SLC8B1: variants seen among roughly 807,000 people sequenced by gnomAD.
The protein encoded by SLC8B1 is mitochondrial sodium/calcium exchanger protein.
SLC8B1 carries 52 observed loss-of-function variants against 63.4 expected under a neutral mutation model. The observed-to-expected ratio is 0.82, with a 90% CI of 0.66 to 1.03. The LOEUF (loss-of-function observed/expected upper bound fraction) is 1.03, where lower values mean the gene tolerates loss of function less well. SLC8B1 is among the 50% of genes least tolerant of loss of function. The pLI, the probability that SLC8B1 is intolerant of heterozygous loss-of-function variation, is 0.00. For missense variants in SLC8B1, 657 were observed against 741.7 expected (o/e 0.89, Z 1.33); for synonymous variants, 336 against 323.9 (o/e 1.04, Z -0.40).
intron 8 of SLC8B1, 147 bp from the exon 9 acceptor site, chr12:113,317,148 G>A: frequency 1.4e-6 from 1 of 730,366 alleles, no homozygotes; most frequent in Non-Finnish European, 2.3e-6. Context: ...CACCCAGGCT[G>A]GAGTGCAGAG....
intron 14 of SLC8B1, among the ~76,000 whole-genome samples, chr12:113,304,914 A>C (rs544725857): frequency 1.3e-5 from 2 of 152,290 alleles, no homozygotes; most frequent in African/African-American, 4.8e-5. Context: ...TACAAAAAAA[A>C]ATGAATTTAC....
intron 2 of SLC8B1, among the ~76,000 whole-genome samples, chr12:113,330,295 G>T (rs1242689479): frequency 6.6e-6 from 1 of 152,168 alleles, no homozygotes; most frequent in Non-Finnish European, 1.5e-5. Context: ...GTAAGGGGCT[G>T]GGGGGGCCTT....
At chr12:113,322,336 G>A (rs1000286385) in intron 2 of SLC8B1, among the ~76,000 whole-genome samples, 17 of 152,078 alleles carry the variant, frequency 1.1e-4, no homozygotes, top group South Asian at 2.1e-4. Context: ...TAGGCTCTAG[G>A]GCCCACTGTT....
At chr12:113,324,709 T>C (rs1956976065) in intron 2 of SLC8B1, among the ~76,000 whole-genome samples, 1 of 148,722 alleles carries the variant, frequency 6.7e-6, no homozygotes, top group Admixed American at 6.7e-5. Flanking sequence ...GCCCAGCCCC[T>C]TTTTTTTCCT....
intron 2 of SLC8B1, among the ~76,000 whole-genome samples, chr12:113,323,323 A>G (rs560202400): frequency 2.6e-5 from 4 of 152,328 alleles, no homozygotes; most frequent in African/African-American, 9.6e-5. Flanking sequence ...CACTCCCACC[A>G]GGAATGGGAA....
intron 8 of SLC8B1, 95 bp downstream of exon 8, chr12:113,318,869 G>T: frequency 1.1e-6 from 1 of 890,454 alleles, no homozygotes; most frequent in East Asian, 2.6e-5. Flanking sequence ...GAGCTTGGTG[G>T]GGACAATGGC....
At chr12:113,329,698 C>T (rs1803653820) in intron 2 of SLC8B1, among the ~76,000 whole-genome samples, 1 of 152,148 alleles carries the variant, frequency 6.6e-6, no homozygotes, top group Admixed American at 6.5e-5. Context: ...ATGTCACTAA[C>T]TCAGTCCCAG....
intron 14 of SLC8B1, 54 bp downstream of exon 14, chr12:113,306,441 C>G (rs1330823978): frequency 6.8e-7 from 1 of 1,473,386 alleles, no homozygotes; most frequent in Non-Finnish European, 9.2e-7. Flanking sequence ...GGAGCACACC[C>G]CACCCACGGC....
At position 113,299,894 on chromosome 12, in the gene SLC8B1, T is replaced by C. The variant is rs769682744; in HGVS notation, c.1638A>G (p.Pro546=). The change falls in exon 16 of 16, where the codon CCA becomes CCG. Residue 546 remains proline, a synonymous_variant. Coordinates refer to ENST00000680972, the MANE Select transcript of SLC8B1 (RefSeq NM_001358345.2). The part of the protein sequence containing the change: ...LSLVFSLVSV[P]LQCFQLSRVY... ...CTCTGCTGAGCTGGAAGCACTGCAATGGGACTGAGACCAGGGAGAAGACGA... is the reference window on the plus strand; with the variant it reads ...CTCTGCTGAGCTGGAAGCACTGCAACGGGACTGAGACCAGGGAGAAGACGA... 2 of 1,614,136 alleles carry C rather than the reference T, an allele frequency of 1.2e-6. No individual in the cohort carries two copies. The highest frequency in any genetic ancestry group is 2.2e-5 in the South Asian group (2 of 91,080).
At chr12:113,316,004 C>T (rs568591830) in intron 10 of SLC8B1, among the ~76,000 whole-genome samples, 1 of 152,294 alleles carries the variant, frequency 6.6e-6, no homozygotes, top group South Asian at 2.1e-4. Context: ...GCGGGCGGAT[C>T]ACGAGGTCAG....
intron 2 of SLC8B1, among the ~76,000 whole-genome samples, chr12:113,325,764 C>T (rs984471928): frequency 1.3e-5 from 2 of 151,970 alleles, no homozygotes; most frequent in African/African-American, 2.4e-5. Context: ...TGGGTTTCAC[C>T]GTGTTAGCCA....
At position 113,320,320 on chromosome 12, in the gene SLC8B1, G is replaced by C. The variant is rs372299664; in HGVS notation, c.694+11C>G. The C allele has an allele frequency of 1.4e-4, 230 of 1,613,566 alleles. No individual in the cohort carries two copies. Among genetic ancestry groups the C allele is most frequent in the Non-Finnish European group, 1.8e-4 (207 of 1,179,788 alleles). On this transcript the variant is annotated intron_variant, in intron 7 of 15. Transcript: ENST00000680972. This position sits in a 1 kb window ranked among gnomAD's most constrained non-coding sequence, Gnocchi z 5.3. ...CCTGGGATCTCACGCCTGAGCCCCA[G>C]AGCTGCTCACCCAGAGCCCATGCCA...
In SLC8B1 at chr12:113,299,678, C is replaced by T. The variant is rs995369541; in HGVS notation, c.*99G>A. 1.2e-4 allele frequency: 142 copies of T among 1,218,766 alleles called. No individual in the cohort carries two copies. The highest frequency in any genetic ancestry group is 1.6e-4 in the Non-Finnish European group (131 of 834,140). 75.5% of individuals were successfully genotyped at this position (1,218,766 alleles called of 1,614,324 possible). A position where few individuals can be genotyped will look rare whatever the true frequency, so the allele number is the denominator to read the frequency against. ...GCAGCAAGGGCCGCACTCTCGTGCC[C>T]ACAAGGGCCTTGCAGAAATGCTCCG... is the stretch of plus-strand genomic sequence containing the variant. On this transcript the variant is annotated 3_prime_UTR_variant, in exon 16 of 16. Transcript: ENST00000680972.
At chr12:113,313,261 GATGC>G (rs1956787021) in intron 11 of SLC8B1, among the ~76,000 whole-genome samples, 1 of 151,672 alleles carries the variant, frequency 6.6e-6, no homozygotes, top group South Asian at 2.1e-4. Flanking sequence ...TATTGGAAAT[GATGC>G]AATTCTACTA....
intron 2 of SLC8B1, among the ~76,000 whole-genome samples, chr12:113,323,980 C>T (rs1280907351): frequency 6.6e-6 from 1 of 152,104 alleles, no homozygotes; most frequent in East Asian, 1.9e-4. Context: ...AATCTTTCTA[C>T]AGTGTCCTGT....
chr12:113,306,056 C>A (rs1428128525), intron 14 of SLC8B1, among the ~76,000 whole-genome samples: 2 of 132,382 alleles, frequency 1.5e-5, no homozygotes, highest in Non-Finnish European at 3.4e-5. Flanking sequence ...CAGACTCCGT[C>A]CCCACCCTGC....
At chr12:113,321,155 A>ACACCAGCCCCTCT in intron 3 of SLC8B1, 41 bp downstream of exon 3, 1 of 1,613,876 alleles carries the variant, frequency 6.2e-7, no homozygotes, top group East Asian at 2.2e-5. Flanking sequence ...CCAGCTGGAG[A>ACACCAGCCCCTCT]CACCAGCCCC....
rs1410743919 is a variant in SLC8B1 at position 113,334,439 on chromosome 12, T to C, written c.-83+4A>G. On this transcript the variant is annotated splice_donor_region_variant and intron_variant, in intron 1 of 15. Transcript: ENST00000680972. ...AAGGCGCCTGTCCCAGCCAGGTTCC[T>C]TACCTGTCCACGGAAGACACGGCCC... is the stretch of plus-strand genomic sequence containing the variant. 6.6e-6 allele frequency: 1 copy of C among 152,130 alleles called. No individual in the cohort carries two copies. The highest frequency in any genetic ancestry group is 1.5e-5 in the Non-Finnish European group (1 of 68,010). The allele number at this position is 152,130 out of a possible 1,614,324, so 9.4% of individuals were successfully genotyped here. A position where few individuals can be genotyped will look rare whatever the true frequency, so the allele number is the denominator to read the frequency against.
chr12:113,307,884 C>A, intron 12 of SLC8B1, 40 bp from the exon 13 acceptor site: 1 of 1,598,996 alleles, frequency 6.3e-7, no homozygotes. Context: ...AAGGCCAGCC[C>A]CAACAGGAAC....
Sources: gnomAD v4.1 joint callset for allele counts (sites outside exome capture counted in the v4.1 genomes callset) on GRCh38, gnomAD v4.1.1 for gene constraint, Gnocchi (gnomAD v3.1) non-coding constraint, MANE v1.5 for transcripts, NCBI Gene and HGNC (gene_info 2026-07-23, HGNC 2026-07-21) for gene names.